DIAPH3: variants seen among roughly 807,000 people sequenced by gnomAD.
The protein encoded by DIAPH3 is protein diaphanous homolog 3.
DIAPH3 carries 117 observed loss-of-function variants against 144.3 expected under a neutral mutation model. That is an observed-to-expected ratio of 0.81 (90% CI 0.70 to 0.95). DIAPH3 has a LOEUF of 0.95. Among genes scored for constraint, DIAPH3 ranks in the 40% least tolerant of loss-of-function variants. DIAPH3 has a pLI of 0.00. For missense variants in DIAPH3, 1,421 were observed against 1,412.7 expected (o/e 1.01, Z -0.09); for synonymous variants, 519 against 488.9 (o/e 1.06, Z -0.81).
At chr13:60,019,203 G>A (rs1302854885) in intron 5 of DIAPH3, among the ~76,000 whole-genome samples, 2 of 152,120 alleles carry the variant, frequency 1.3e-5, no homozygotes, top group African/African-American at 2.4e-5. Context: ...CATCATCAGT[G>A]TAAGAAGCAA....
chr13:60,013,271 A>T (rs1412575118), intron 7 of DIAPH3: 1 of 953,168 alleles, frequency 1.0e-6, no homozygotes, highest in Non-Finnish European at 1.2e-6. Context: ...ACTGAAGATG[A>T]TGTTTTAGGT....
intron 22 of DIAPH3, among the ~76,000 whole-genome samples, chr13:59,860,461 G>C (rs567932395): frequency 6.6e-6 from 1 of 152,130 alleles, no homozygotes; most frequent in African/African-American, 2.4e-5. Context: ...AATTGAGGCC[G>C]GGCGCGGTGG....
At chr13:59,980,764 G>A in intron 14 of DIAPH3, 31 bp downstream of exon 14, 1 of 1,579,172 alleles carries the variant, frequency 6.3e-7, no homozygotes, top group Non-Finnish European at 8.7e-7. Context: ...GTTCCCCACA[G>A]AATACTATAA....
intron 27 of DIAPH3, among the ~76,000 whole-genome samples, chr13:59,761,209 C>G (rs2037566472): frequency 6.6e-6 from 1 of 152,128 alleles, no homozygotes; most frequent in Non-Finnish European, 1.5e-5. Flanking sequence ...ATTTCCCCTC[C>G]AAACCACAGT....
At chr13:59,859,527 A>G (rs2043451910) in intron 22 of DIAPH3, among the ~76,000 whole-genome samples, 1 of 152,188 alleles carries the variant, frequency 6.6e-6, no homozygotes, top group Admixed American at 6.5e-5. Context: ...AAATTCTACA[A>G]TAAAAAATAC....
intron 23 of DIAPH3, among the ~76,000 whole-genome samples, chr13:59,835,235 T>G (rs2041983888): frequency 6.6e-6 from 1 of 151,748 alleles, no homozygotes; most frequent in Admixed American, 6.6e-5. Flanking sequence ...TTCCACTGTA[T>G]TCTAGGCACT....
In DIAPH3 at chr13:59,774,896, C is replaced by CTGGTGA. The variant is rs904827577; in HGVS notation, c.3164-79_3164-74dup. 117 of 1,266,718 alleles carry CTGGTGA rather than the reference C, an allele frequency of 9.2e-5. 2 individuals carry two copies. Among genetic ancestry groups the CTGGTGA allele is most frequent in the Middle Eastern group, 3.7e-4 (2 of 5,436 alleles). 78.5% of individuals were successfully genotyped at this position (1,266,718 alleles called of 1,614,324 possible). The stretch of plus-strand genomic sequence containing the variant: ...AGCAATGTCAAAGCATATACAAAAA[C>CTGGTGA]TGGTGATGGTGATGGTAGGGAGAAA... On this transcript the variant is annotated intron_variant, in intron 25 of 27. Transcript: ENST00000400324.
intron 22 of DIAPH3, among the ~76,000 whole-genome samples, chr13:59,856,289 C>T (rs960045443): frequency 6.6e-6 from 1 of 152,128 alleles, no homozygotes; most frequent in Non-Finnish European, 1.5e-5. Flanking sequence ...TATTCTATAG[C>T]CAAAGACCAC....
chr13:59,770,526 A>G (rs990049935), intron 27 of DIAPH3, among the ~76,000 whole-genome samples: 3 of 152,148 alleles, frequency 2.0e-5, no homozygotes, highest in African/African-American at 4.8e-5. Context: ...TAGAATGTAC[A>G]GTTCTACAAG....
chr13:59,941,381 T>C (rs1397088027), intron 17 of DIAPH3, among the ~76,000 whole-genome samples: 1 of 152,112 alleles, frequency 6.6e-6, no homozygotes, highest in Non-Finnish European at 1.5e-5. Context: ...TATACACCTC[T>C]GGAGGGTGTG....
At chr13:59,869,131 A>G (rs963853112) in intron 21 of DIAPH3, among the ~76,000 whole-genome samples, 1 of 152,194 alleles carries the variant, frequency 6.6e-6, no homozygotes, top group African/African-American at 2.4e-5. Flanking sequence ...TGTAATTGCC[A>G]GTTATCCAAA....
At chr13:59,738,842 A>T (rs578179485) in intron 27 of DIAPH3, among the ~76,000 whole-genome samples, 8 of 152,334 alleles carry the variant, frequency 5.3e-5, no homozygotes, top group African/African-American at 1.7e-4. Context: ...ACCACTGTAC[A>T]TATTTACCTA....
chr13:59,928,332 G>A (rs2047854882), intron 17 of DIAPH3, among the ~76,000 whole-genome samples: 1 of 151,862 alleles, frequency 6.6e-6, no homozygotes, highest in Non-Finnish European at 1.5e-5. Flanking sequence ...GCGCTTCACT[G>A]AGTTTCCTTA....
At chr13:60,080,300 T>A (rs140278466) in intron 4 of DIAPH3, among the ~76,000 whole-genome samples, 54 of 151,986 alleles carry the variant, frequency 3.6e-4, no homozygotes, top group African/African-American at 1.3e-3. Context: ...ACTCTATATA[T>A]AATAAAGCCC....
chr13:59,697,650 T>C (rs1284641542), intron 27 of DIAPH3, among the ~76,000 whole-genome samples: 4 of 151,938 alleles, frequency 2.6e-5, no homozygotes, highest in African/African-American at 9.7e-5. Flanking sequence ...GAGTTATTAT[T>C]AGAGATATGT....
chr13:60,014,047 C>T (rs545283947), intron 7 of DIAPH3, among the ~76,000 whole-genome samples: 23 of 152,158 alleles, frequency 1.5e-4, no homozygotes, highest in African/African-American at 5.1e-4. Context: ...AAATAAAGTT[C>T]AATCTTCCTC....
chr13:60,094,329 T>C (rs1368087060), intron 3 of DIAPH3, among the ~76,000 whole-genome samples: 14 of 152,186 alleles, frequency 9.2e-5, no homozygotes, highest in Admixed American at 9.2e-4. Flanking sequence ...CCACCTAAAA[T>C]CGAACATTTC....
chr13:60,048,304 C>T, intron 4 of DIAPH3, among the ~76,000 whole-genome samples: 1 of 152,148 alleles, frequency 6.6e-6, no homozygotes, highest in East Asian at 1.9e-4. Context: ...TGGAAGACTG[C>T]CTCTCCCAAT....
intron 5 of DIAPH3, among the ~76,000 whole-genome samples, chr13:60,035,394 C>T (rs1411268095): frequency 6.6e-6 from 1 of 152,082 alleles, no homozygotes. Context: ...AGCCTCCTAC[C>T]CCTAGGGAAC....
Sources: allele counts gnomAD v4.1 joint callset (sites outside exome capture counted in the v4.1 genomes callset), GRCh38; gene constraint gnomAD v4.1.1; transcripts MANE v1.5; gene names NCBI Gene and HGNC (gene_info 2026-07-23, HGNC 2026-07-21).